SPMIP2: variants seen among roughly 807,000 people sequenced by gnomAD.
The protein encoded by SPMIP2 is protein SPMIP2.
the SPMIP2 span, chr4:158,973,334 A>T: frequency 3.3e-5 from 47 of 1,444,114 alleles, no homozygotes; most frequent in Middle Eastern, 1.4e-3. Context: ...AAATGTACTT[A>T]AAACTTCTCC....
the SPMIP2 span, among the ~76,000 whole-genome samples, chr4:159,072,095 T>C: frequency 6.6e-6 from 1 of 152,286 alleles, no homozygotes; most frequent in South Asian, 2.1e-4. Context: ...GGTGGATCAC[T>C]TGGGCCCAAG....
chr4:159,038,390 G>A, the SPMIP2 span, among the ~76,000 whole-genome samples: 6 of 152,114 alleles, frequency 3.9e-5, no homozygotes, highest in Admixed American at 3.9e-4. Context: ...TCTTGTTAGT[G>A]TGATTGAACA....
chr4:158,963,456 C>T, the SPMIP2 span, among the ~76,000 whole-genome samples: 1 of 152,142 alleles, frequency 6.6e-6, no homozygotes, highest in Non-Finnish European at 1.5e-5. Flanking sequence ...TGCACACCAC[C>T]ATGCCCAGCT....
the SPMIP2 span, among the ~76,000 whole-genome samples, chr4:159,005,587 T>C: frequency 1.3e-5 from 2 of 152,290 alleles, no homozygotes; most frequent in South Asian, 2.1e-4. Flanking sequence ...ACATGTGTTA[T>C]TGTGGCTAGC....
the SPMIP2 span, among the ~76,000 whole-genome samples, chr4:159,014,123 G>A: frequency 6.6e-6 from 1 of 152,194 alleles, no homozygotes; most frequent in Non-Finnish European, 1.5e-5. Context: ...AGAAAAGAAT[G>A]AGAAAAGCAC....
chr4:159,037,936 G>T, the SPMIP2 span, among the ~76,000 whole-genome samples: 2 of 151,700 alleles, frequency 1.3e-5, no homozygotes, highest in Non-Finnish European at 2.9e-5. Context: ...TCCATCTGGA[G>T]ATCACTCAAT....
At chr4:158,983,585 C>A in the SPMIP2 span, among the ~76,000 whole-genome samples, 2 of 45,282 alleles carry the variant, frequency 4.4e-5, no homozygotes, top group Non-Finnish European at 8.1e-5. Context: ...GAAATAAAAT[C>A]CTTTACAGAC....
chr4:158,989,711 A>C, the SPMIP2 span, among the ~76,000 whole-genome samples: 1 of 152,216 alleles, frequency 6.6e-6, no homozygotes, highest in African/African-American at 2.4e-5. Flanking sequence ...CCTTCCTTAC[A>C]CCTTTTACAA....
the SPMIP2 span, among the ~76,000 whole-genome samples, chr4:159,057,636 A>G: frequency 3.3e-5 from 5 of 152,198 alleles, no homozygotes; most frequent in Non-Finnish European, 7.3e-5. Context: ...GTGTGACCAA[A>G]TATGTTTATT....
the SPMIP2 span, among the ~76,000 whole-genome samples, chr4:159,049,383 A>G: frequency 6.6e-6 from 1 of 152,246 alleles, no homozygotes; most frequent in Non-Finnish European, 1.5e-5. Flanking sequence ...AGTCTGAAAC[A>G]TATAGATGAG....
At chr4:158,922,115 C>T in the SPMIP2 span, among the ~76,000 whole-genome samples, 1 of 152,112 alleles carries the variant, frequency 6.6e-6, no homozygotes, top group Non-Finnish European at 1.5e-5. Context: ...GTCTCAATCT[C>T]CTGACCTCGT....
chr4:159,044,323 C>T, the SPMIP2 span, among the ~76,000 whole-genome samples: 1 of 140,706 alleles, frequency 7.1e-6, no homozygotes, highest in South Asian at 2.2e-4. Flanking sequence ...GAGCCAAGAC[C>T]GAGCCATTGC....
the SPMIP2 span, among the ~76,000 whole-genome samples, chr4:159,041,810 C>G: frequency 4.6e-5 from 7 of 152,188 alleles, no homozygotes; most frequent in Non-Finnish European, 8.8e-5. Flanking sequence ...AGACACTGTG[C>G]TAAACACTTT....
the SPMIP2 span, among the ~76,000 whole-genome samples, chr4:158,991,126 G>A: frequency 6.6e-6 from 1 of 152,196 alleles, no homozygotes; most frequent in African/African-American, 2.4e-5. Flanking sequence ...AAGACTTTCT[G>A]TAAGAAATGG....
the SPMIP2 span, among the ~76,000 whole-genome samples, chr4:159,052,904 G>A: frequency 9.6e-3 from 1,444 of 150,854 alleles, 29 homozygotes; most frequent in African/African-American, 0.034. Context: ...CCAAAGTGCT[G>A]GGATTACAGA....
chr4:158,976,259 C>G, the SPMIP2 span, among the ~76,000 whole-genome samples: 5 of 152,268 alleles, frequency 3.3e-5, no homozygotes, highest in Admixed American at 6.5e-5. Flanking sequence ...TTCCTCTCTT[C>G]CTATTTGAAT....
the SPMIP2 span, among the ~76,000 whole-genome samples, chr4:158,959,700 C>G: frequency 6.6e-6 from 1 of 152,104 alleles, no homozygotes; most frequent in Non-Finnish European, 1.5e-5. Flanking sequence ...TTGATCTTTT[C>G]CCTCTTAGGA....
At chr4:159,013,717 G>A in the SPMIP2 span, among the ~76,000 whole-genome samples, 1 of 150,876 alleles carries the variant, frequency 6.6e-6, no homozygotes, top group African/African-American at 2.4e-5. Flanking sequence ...GAATTGGGGG[G>A]TGGGGATAAA....
the SPMIP2 span, among the ~76,000 whole-genome samples, chr4:158,983,499 C>A: frequency 1.3e-5 from 2 of 151,094 alleles, no homozygotes; most frequent in Non-Finnish European, 2.9e-5. Flanking sequence ...AGACTGGGGG[C>A]CAATATTCAA....
Sources: allele counts gnomAD v4.1 joint callset (sites outside exome capture counted in the v4.1 genomes callset), GRCh38; gene constraint gnomAD v4.1.1; transcripts MANE v1.5; gene names NCBI Gene and HGNC (gene_info 2026-07-23, HGNC 2026-07-21).